PRMT3: variants seen among roughly 807,000 people sequenced by gnomAD.
The protein encoded by PRMT3 is protein arginine methyltransferase 3, also known as protein arginine N-methyltransferase 3.
PRMT3 carries 62 observed loss-of-function variants against 71.9 expected under a neutral mutation model. That is an observed-to-expected ratio of 0.86 (90% CI 0.70 to 1.07). The LOEUF (loss-of-function observed/expected upper bound fraction) is 1.07. Ranked by LOEUF, PRMT3 falls within the 50% of genes least tolerant of loss-of-function variation. The pLI, the probability that PRMT3 is intolerant of heterozygous loss-of-function variation, is 0.00. For missense variants in PRMT3, 663 were observed against 643.0 expected (o/e 1.03, Z -0.34); for synonymous variants, 213 against 220.4 (o/e 0.97, Z 0.30).
At chr11:20,401,323 T>C (rs1163576752) in intron 7 of PRMT3, among the ~76,000 whole-genome samples, 1 of 152,196 alleles carries the variant, frequency 6.6e-6, no homozygotes, top group African/African-American at 2.4e-5. Flanking sequence ...TTTGTAAAAG[T>C]GTATGAAACG....
At chr11:20,388,282 C>T in intron 2 of PRMT3, 128 bp downstream of exon 2, 1 of 1,363,802 alleles carries the variant, frequency 7.3e-7, no homozygotes, top group Non-Finnish European at 1.0e-6. Flanking sequence ...AACCACTGGT[C>T]TGGGGTGAGG....
In PRMT3 at chr11:20,387,788, C is replaced by G; in HGVS notation, c.28+14C>G. 1 of 1,541,666 alleles carries G rather than the reference C, an allele frequency of 6.5e-7. No individual in the cohort carries two copies. The highest frequency in any genetic ancestry group is 8.7e-7 in the Non-Finnish European group (1 of 1,146,274). ...CAGGCGCTACCGGTGGGTACCCTGGCCCCTCAGCACCCGGCTCGTCCAGCC... is the reference window on the plus strand; with the variant it reads ...CAGGCGCTACCGGTGGGTACCCTGGGCCCTCAGCACCCGGCTCGTCCAGCC... On this transcript the variant is annotated intron_variant, in intron 1 of 15. Transcript: ENST00000331079. The surrounding 1 kb of genome is among the most constrained non-coding windows in gnomAD (Gnocchi z 4.3).
chr11:20,441,426 T>C (rs1034159350), intron 10 of PRMT3, among the ~76,000 whole-genome samples: 48 of 151,552 alleles, frequency 3.2e-4, no homozygotes, highest in African/African-American at 1.1e-3. Context: ...CTGCCTCAGC[T>C]TCCTGAGTAG....
chr11:20,436,381 TG>T (rs1425691608), intron 10 of PRMT3, among the ~76,000 whole-genome samples: 1 of 152,164 alleles, frequency 6.6e-6, no homozygotes, highest in Non-Finnish European at 1.5e-5. Flanking sequence ...TAAGAGGAAA[TG>T]GTTTGAACTT....
chr11:20,397,313 T>C (rs1249111597), intron 6 of PRMT3, among the ~76,000 whole-genome samples: 1 of 152,232 alleles, frequency 6.6e-6, no homozygotes, highest in African/African-American at 2.4e-5. Flanking sequence ...ATATGCTTAT[T>C]TGTTCAGTTG....
At chr11:20,401,111 A>G (rs1848939153) in intron 7 of PRMT3, among the ~76,000 whole-genome samples, 1 of 152,196 alleles carries the variant, frequency 6.6e-6, no homozygotes, top group African/African-American at 2.4e-5. Flanking sequence ...AAGAGCCAGA[A>G]TGAAAGATTG....
chr11:20,392,873 AC>A (rs772172674), intron 4 of PRMT3, 23 bp from the exon 5 acceptor site: 4 of 1,415,170 alleles, frequency 2.8e-6, no homozygotes, highest in African/African-American at 1.4e-5. Context: ...AATGAAAAAA[AC>A]ATGAGATTAA....
intron 15 of PRMT3, among the ~76,000 whole-genome samples, chr11:20,504,396 AAAAG>A (rs1446079022): frequency 9.3e-4 from 141 of 152,288 alleles, no homozygotes; most frequent in African/African-American, 3.3e-3. Context: ...ATAAGATTGA[AAAAG>A]AACAAAATGG....
At chr11:20,393,031 T>G in intron 5 of PRMT3, 32 bp downstream of exon 5, 1 of 1,399,360 alleles carries the variant, frequency 7.1e-7, no homozygotes, top group Non-Finnish European at 1.0e-6. Context: ...CTCCTTTAAT[T>G]AACATAAGGC....
chr11:20,411,970 A>G (rs1231206984), intron 9 of PRMT3, among the ~76,000 whole-genome samples: 2 of 152,142 alleles, frequency 1.3e-5, no homozygotes, highest in Non-Finnish European at 2.9e-5. Context: ...CTAATTATCT[A>G]TAAAGCTCCT....
intron 13 of PRMT3, among the ~76,000 whole-genome samples, chr11:20,467,024 A>T (rs1229241192): frequency 6.6e-6 from 1 of 152,196 alleles, no homozygotes. Flanking sequence ...GGTGAGCCTA[A>T]GGTTTGCGAA....
chr11:20,406,378 G>A (rs10833321), intron 8 of PRMT3: 67,814 of 152,134 alleles, frequency 0.45, 16,989 homozygotes, highest in Non-Finnish European at 0.58. Flanking sequence ...GGGGAACCCA[G>A]GGATATAAAG....
intron 9 of PRMT3, among the ~76,000 whole-genome samples, chr11:20,421,081 C>T: frequency 6.6e-6 from 1 of 151,962 alleles, no homozygotes; most frequent in East Asian, 1.9e-4. Flanking sequence ...GTTTGTCATC[C>T]AGGCTGGAGT....
intron 13 of PRMT3, among the ~76,000 whole-genome samples, chr11:20,476,983 C>A (rs1188959397): frequency 6.6e-6 from 1 of 152,116 alleles, no homozygotes; most frequent in Non-Finnish European, 1.5e-5. Flanking sequence ...AGAAGAATAT[C>A]TCCTAGCTAG....
At chr11:20,430,800 A>G (rs1849639365) in intron 10 of PRMT3, among the ~76,000 whole-genome samples, 1 of 152,150 alleles carries the variant, frequency 6.6e-6, no homozygotes, top group African/African-American at 2.4e-5. Flanking sequence ...ATCATGCTCT[A>G]CATTTTCATT....
chr11:20,413,008 C>T (rs991882823), intron 9 of PRMT3, among the ~76,000 whole-genome samples: 4 of 152,128 alleles, frequency 2.6e-5, no homozygotes, highest in African/African-American at 9.7e-5. Flanking sequence ...GTTTGCAATT[C>T]CTTATCTCCA....
intron 15 of PRMT3, among the ~76,000 whole-genome samples, chr11:20,507,970 G>C (rs1851633086): frequency 6.6e-6 from 1 of 151,772 alleles, no homozygotes; most frequent in Non-Finnish European, 1.5e-5. Context: ...GCTGGGCATG[G>C]TGGCATGCGC....
chr11:20,464,011 A>G (rs7943685), intron 12 of PRMT3, among the ~76,000 whole-genome samples: 109,912 of 152,150 alleles, frequency 0.72, 41,269 homozygotes, highest in Non-Finnish European at 0.84. Flanking sequence ...TTTCATTAGC[A>G]TGTGTTTTCA....
chr11:20,463,413 T>C (rs1850433203), intron 12 of PRMT3, among the ~76,000 whole-genome samples: 1 of 152,160 alleles, frequency 6.6e-6, no homozygotes, highest in South Asian at 2.1e-4. Flanking sequence ...TGTACAGTTA[T>C]AACCAACTAA....
Sources: gnomAD v4.1 joint callset for allele counts (sites outside exome capture counted in the v4.1 genomes callset) on GRCh38, gnomAD v4.1.1 for gene constraint, Gnocchi (gnomAD v3.1) non-coding constraint, MANE v1.5 for transcripts, NCBI Gene and HGNC (gene_info 2026-07-23, HGNC 2026-07-21) for gene names.